Variants in SUCLG2 observed in about 807,000 individuals in gnomAD.
SUCLG2 encodes the protein succinate--CoA ligase [GDP-forming] subunit beta, mitochondrial.
In SUCLG2, 42 loss-of-function variants were observed where a neutral mutation model predicts 47.9. The observed-to-expected ratio is 0.88, with a 90% CI of 0.69 to 1.14. SUCLG2 has a LOEUF of 1.14. SUCLG2 is among the 50% of genes most tolerant of loss of function. The pLI is 0.00. For synonymous variants in SUCLG2, 195 were observed against 197.3 expected (o/e 0.99, Z 0.10); for missense variants, 571 against 525.9 (o/e 1.09, Z -0.84).
chr3:67,503,937 ATG>A (rs1176926004), intron 7 of SUCLG2, among the ~76,000 whole-genome samples: 4 of 152,316 alleles, frequency 2.6e-5, no homozygotes, highest in Non-Finnish European at 4.4e-5. Flanking sequence ...TAACAGAAGA[ATG>A]TGTCACAGAA....
intron 7 of SUCLG2, among the ~76,000 whole-genome samples, chr3:67,504,865 A>C (rs1559550854): frequency 6.6e-6 from 1 of 152,224 alleles, no homozygotes. Context: ...TAGATAAATA[A>C]ATAAATAATG....
At chr3:67,441,807 T>A (rs1048271323) in intron 9 of SUCLG2, among the ~76,000 whole-genome samples, 2 of 152,142 alleles carry the variant, frequency 1.3e-5, no homozygotes, top group East Asian at 3.9e-4. Context: ...TAACTCAGAA[T>A]ATTTCCCCAC....
At chr3:67,386,035 A>C (rs562563803) in intron 10 of SUCLG2, among the ~76,000 whole-genome samples, 1 of 152,322 alleles carries the variant, frequency 6.6e-6, no homozygotes, top group East Asian at 1.9e-4. Flanking sequence ...TGAGAAAGTC[A>C]GTTCTGTGGA....
chr3:67,444,031 T>G (rs372281696), intron 9 of SUCLG2, among the ~76,000 whole-genome samples: 1 of 91,464 alleles, frequency 1.1e-5, no homozygotes, highest in East Asian at 4.8e-4. Flanking sequence ...GCCCCCCGCC[T>G]GGCCAGCCGC....
At chr3:67,494,099 C>G (rs1705270224) in intron 9 of SUCLG2, among the ~76,000 whole-genome samples, 1 of 152,120 alleles carries the variant, frequency 6.6e-6, no homozygotes, top group Non-Finnish European at 1.5e-5. Flanking sequence ...GGAAAACAGA[C>G]AAGTGTACTA....
At chr3:67,450,217 T>A (rs1350463756) in intron 9 of SUCLG2, among the ~76,000 whole-genome samples, 2 of 152,096 alleles carry the variant, frequency 1.3e-5, no homozygotes, top group Non-Finnish European at 2.9e-5. Context: ...AACTTTTAAA[T>A]ATTTTTTTGA....
chr3:67,446,982 C>CA (rs1275436578), intron 9 of SUCLG2, among the ~76,000 whole-genome samples: 1 of 151,800 alleles, frequency 6.6e-6, no homozygotes, highest in East Asian at 1.9e-4. Context: ...GGTTAAAAAT[C>CA]AAAAAAGGTT....
rs1259959345 is a variant in SUCLG2 at position 67,400,754 on chromosome 3, A to G, written c.1160T>C (p.Val387Ala). Residue 387 changes from valine to alanine, a missense_variant, in exon 10 of 11, where the codon GTG becomes GCG. Transcript: ENST00000307227. ...TKACRELELK[V>A]PLVVRLEGTN... ...ACCTTCAAGCCGGACCACCAGGGGC[A>G]CCTTGAGTTCTAGCTCCCGGCAGGC... is the stretch of plus-strand genomic sequence containing the variant. 6.8e-6 allele frequency: 11 copies of G among 1,611,718 alleles called. No individual in the cohort carries two copies. The highest frequency in any genetic ancestry group is 2.7e-5 in the African/African-American group (2 of 74,792).
At position 67,526,057 on chromosome 3, in the gene SUCLG2, C is replaced by A. The variant is rs559449965; in HGVS notation, c.417+2075G>T. On this transcript the variant is annotated intron_variant, in intron 4 of 10. Transcript: ENST00000307227. ...ATATATTGTTTCACAGTTCTGGAGG[C>A]TGGGAAGTCCAAGATCAGTGCACCG... Among the ~76,000 whole-genome samples the A allele has an allele frequency of 4.6e-5, 7 of 152,290 alleles. No individual in the cohort carries two copies. The South Asian group carries it at 1.5e-3, about 32-fold the overall frequency.
rs1702147261 is a variant in SUCLG2, at chr3:67,381,046, G to A, written c.1184-5187C>T. On this transcript the variant is annotated intron_variant, in intron 10 of 10. Transcript: ENST00000307227. ...GATTAAAAGGAAACCAGCTGGGCATGGTGGCCTGTAGTCCCAGCTACTCAG... is the reference window on the plus strand; with the variant it reads ...GATTAAAAGGAAACCAGCTGGGCATAGTGGCCTGTAGTCCCAGCTACTCAG... Among the ~76,000 whole-genome samples the A allele has an allele frequency of 2.6e-5, 4 of 152,114 alleles. No individual in the cohort carries two copies. The South Asian group carries it at 8.3e-4, about 32-fold the overall frequency.
intron 5 of SUCLG2, 97 bp from the exon 6 acceptor site, chr3:67,518,433 A>G: frequency 8.8e-7 from 1 of 1,139,110 alleles, no homozygotes; most frequent in Non-Finnish European, 1.2e-6. Context: ...GCAAATGAGT[A>G]ATTAAAGTGT....
At chr3:67,644,085 T>C (rs867523464) in intron 1 of SUCLG2, among the ~76,000 whole-genome samples, 15 of 152,164 alleles carry the variant, frequency 9.9e-5, no homozygotes, top group African/African-American at 3.4e-4. Context: ...GACATTTTAG[T>C]TGGACATGGG....
intron 5 of SUCLG2, 66 bp downstream of exon 5, chr3:67,520,416 T>C: frequency 6.2e-7 from 1 of 1,606,342 alleles, no homozygotes; most frequent in Non-Finnish European, 8.5e-7. Context: ...AGACTCCCCA[T>C]TAAATATTTA....
At chr3:67,623,588 G>GA (rs1700772949) in intron 1 of SUCLG2, among the ~76,000 whole-genome samples, 2 of 152,130 alleles carry the variant, frequency 1.3e-5, no homozygotes, top group East Asian at 1.9e-4. Context: ...TCAAAAAGGG[G>GA]AAAAAATCTT....
chr3:67,569,135 C>G (rs1707545863), intron 2 of SUCLG2, among the ~76,000 whole-genome samples: 1 of 152,190 alleles, frequency 6.6e-6, no homozygotes, highest in African/African-American at 2.4e-5. Flanking sequence ...TTAATTCTCT[C>G]ATTTCATGAT....
At chr3:67,634,758 A>C (rs1700980448) in intron 1 of SUCLG2, among the ~76,000 whole-genome samples, 1 of 152,200 alleles carries the variant, frequency 6.6e-6, no homozygotes, top group Non-Finnish European at 1.5e-5. Context: ...GCACAGTATC[A>C]TGAAAATGGT....
Position 67,645,604 on chromosome 3 carries a change from C to T in SUCLG2, c.84+8899G>A, listed in dbSNP as rs907727627. Among the ~76,000 whole-genome samples, 6 of 151,488 alleles carry T rather than the reference C, an allele frequency of 4.0e-5. No homozygotes were observed. The South Asian group carries it at 1.0e-3, about 26-fold the overall frequency. ...TAAAAGCTGAAAAATTCCTTTTTTC[C>T]CTGTATTGTTGGCTTTCAATTTTAA... On this transcript the variant is annotated intron_variant, in intron 1 of 10. Coordinates refer to ENST00000307227, the MANE Select transcript of SUCLG2 (RefSeq NM_003848.4).
chr3:67,454,096 C>T (rs1472189862), intron 9 of SUCLG2, among the ~76,000 whole-genome samples: 1 of 152,122 alleles, frequency 6.6e-6, no homozygotes, highest in Non-Finnish European at 1.5e-5. Flanking sequence ...ATTCTTAGGC[C>T]TAAGTGGATG....
chr3:67,414,366 G>C lies in SUCLG2; in HGVS notation c.1063-13515C>G, dbSNP rs150544205. Among the ~76,000 whole-genome samples, 453 of 152,266 alleles carry C rather than the reference G, an allele frequency of 3.0e-3. 5 individuals carry two copies. Among genetic ancestry groups the C allele is most frequent in the African/African-American group, 0.01 (430 of 41,554 alleles). ...AAATGACTGTTTTTATAGATGTATCGAGTACATTGATGTTGGGGGTACTTC... is the reference window on the plus strand; with the variant it reads ...AAATGACTGTTTTTATAGATGTATCCAGTACATTGATGTTGGGGGTACTTC... On this transcript the variant is annotated intron_variant, in intron 9 of 10. Coordinates refer to ENST00000307227, the MANE Select transcript of SUCLG2 (RefSeq NM_003848.4).
Sources: gnomAD v4.1 joint callset for allele counts (sites outside exome capture counted in the v4.1 genomes callset) on GRCh38, gnomAD v4.1.1 for gene constraint, MANE v1.5 for transcripts, NCBI Gene and HGNC (gene_info 2026-07-23, HGNC 2026-07-21) for gene names.